Variants in SHC4 observed in about 807,000 individuals in gnomAD.
The protein encoded by SHC4 is SHC adaptor protein 4.
In SHC4, 41 loss-of-function variants were observed where a neutral mutation model predicts 69.4. The observed-to-expected ratio is 0.59, with a 90% CI of 0.46 to 0.77. The LOEUF (loss-of-function observed/expected upper bound fraction) is 0.77. SHC4 is among the 30% of genes least tolerant of loss of function. The probability of loss-of-function intolerance (pLI) is 0.00; values close to 1 mark genes in which losing one functional copy is unlikely to be tolerated. For synonymous variants in SHC4, 318 were observed against 299.3 expected, an observed-to-expected ratio of 1.06 and a Z score of -0.64; for missense variants, 777 against 783.8, an observed-to-expected ratio of 0.99 and a Z score of 0.10.
chr15:48,839,459 G>A (rs1015824474), intron 10 of SHC4, among the ~76,000 whole-genome samples: 23 of 151,798 alleles, frequency 1.5e-4, no homozygotes, highest in African/African-American at 5.3e-4. Context: ...CAACCCAGAT[G>A]GCATCATCTG....
At chr15:48,922,404 T>A (rs1900767619) in intron 2 of SHC4, among the ~76,000 whole-genome samples, 2 of 152,228 alleles carry the variant, frequency 1.3e-5, no homozygotes, top group Non-Finnish European at 2.9e-5. Context: ...GACTGGGTAA[T>A]GAATAAATAA....
intron 2 of SHC4, among the ~76,000 whole-genome samples, chr15:48,909,023 C>T (rs751078566): frequency 4.6e-5 from 7 of 152,106 alleles, no homozygotes; most frequent in Non-Finnish European, 1.0e-4. Context: ...CTTGCTTTTG[C>T]TCTGCTGGCT....
At chr15:48,960,210 T>TGG (rs1185814134) in intron 1 of SHC4, among the ~76,000 whole-genome samples, 1 of 152,144 alleles carries the variant, frequency 6.6e-6, no homozygotes, top group Non-Finnish European at 1.5e-5. Context: ...AGGCACTCCC[T>TGG]AGGGAAACTG....
At chr15:48,906,137 G>T (rs2141014022) in intron 2 of SHC4, among the ~76,000 whole-genome samples, 1 of 152,148 alleles carries the variant, frequency 6.6e-6, no homozygotes, top group South Asian at 2.1e-4. Context: ...TCCTATAAAA[G>T]GGGCCCAAAT....
chr15:48,878,181 C>T (rs757137971), intron 4 of SHC4: 13 of 1,552,598 alleles, frequency 8.4e-6, no homozygotes, highest in Admixed American at 3.8e-5. Context: ...TGCACAATGT[C>T]GGAAATGGCT....
chr15:48,957,170 G>A (rs910304189), intron 1 of SHC4, among the ~76,000 whole-genome samples: 5 of 151,744 alleles, frequency 3.3e-5, no homozygotes, highest in African/African-American at 1.2e-4. Context: ...TAGAGATGAG[G>A]TTTCACCATG....
At chr15:48,878,713 C>G in intron 4 of SHC4, 1 of 1,613,822 alleles carries the variant, frequency 6.2e-7, no homozygotes. Context: ...AAGAACTCGG[C>G]TGTGATGAGA....
intron 9 of SHC4, among the ~76,000 whole-genome samples, chr15:48,846,939 A>G (rs759181232): frequency 1.6e-4 from 25 of 152,006 alleles, no homozygotes; most frequent in Non-Finnish European, 3.7e-4. Context: ...CGGTGTTTAT[A>G]TCTAGCCTCT....
intron 5 of SHC4, among the ~76,000 whole-genome samples, chr15:48,869,231 AG>A (rs1899620019): frequency 6.6e-6 from 1 of 152,260 alleles, no homozygotes; most frequent in African/African-American, 2.4e-5. Context: ...ATAGTTATAG[AG>A]GCATTACCAA....
intron 3 of SHC4, among the ~76,000 whole-genome samples, chr15:48,885,217 A>AG (rs1491220035): frequency 2.0e-5 from 3 of 152,128 alleles, no homozygotes; most frequent in Non-Finnish European, 4.4e-5. Flanking sequence ...AGGTACCAAC[A>AG]GGGGGGCGAG....
chr15:48,900,823 C>T (rs1900307836), intron 2 of SHC4, among the ~76,000 whole-genome samples: 1 of 152,144 alleles, frequency 6.6e-6, no homozygotes, highest in Admixed American at 6.5e-5. Context: ...TGGTGCCGGA[C>T]AGGGCTTGGG....
chr15:48,942,669 A>G (rs902239126), intron 1 of SHC4, among the ~76,000 whole-genome samples: 2 of 152,194 alleles, frequency 1.3e-5, no homozygotes, highest in Admixed American at 6.5e-5. Context: ...TACATTAAGT[A>G]TTGACTTTCT....
At chr15:48,874,624 G>C (rs1899758223) in intron 4 of SHC4, among the ~76,000 whole-genome samples, 1 of 152,194 alleles carries the variant, frequency 6.6e-6, no homozygotes, top group Non-Finnish European at 1.5e-5. Flanking sequence ...ACCTGAGGTA[G>C]AGCTGAGGTG....
At chr15:48,859,306 GGTGTGTGTGTGTGT>G (rs58641880) in intron 6 of SHC4, among the ~76,000 whole-genome samples, 6 of 145,926 alleles carry the variant, frequency 4.1e-5, no homozygotes, top group South Asian at 2.2e-4. Context: ...ATTTGAAAGG[GGTGTGTGTGTGTGT>G]GTGTGTGTGT....
intron 1 of SHC4, chr15:48,938,478 A>G (rs1278091759): frequency 6.6e-6 from 1 of 152,014 alleles, no homozygotes; most frequent in African/African-American, 2.4e-5. Context: ...GTATTGTGGG[A>G]GTCATTAGTA....
intron 11 of SHC4, among the ~76,000 whole-genome samples, chr15:48,826,352 C>T (rs747969584): frequency 2.6e-5 from 4 of 151,306 alleles, no homozygotes; most frequent in Non-Finnish European, 5.9e-5. Flanking sequence ...CCTGGGTTCA[C>T]GCAATTCTAG....
At chr15:48,917,254 T>A (rs953230044) in intron 2 of SHC4, among the ~76,000 whole-genome samples, 3 of 121,196 alleles carry the variant, frequency 2.5e-5, no homozygotes, top group Admixed American at 7.5e-5. Context: ...TGTGTGTGTG[T>A]GTGTGTGTGT....
intron 2 of SHC4, among the ~76,000 whole-genome samples, chr15:48,907,290 G>C (rs1284111265): frequency 1.3e-5 from 2 of 150,670 alleles, no homozygotes; most frequent in Non-Finnish European, 3.0e-5. Context: ...AGTGGCGCTA[G>C]CTCGGCTCAC....
intron 4 of SHC4, chr15:48,880,240 G>A (rs543258283): frequency 1.2e-5 from 2 of 166,832 alleles, no homozygotes; most frequent in Non-Finnish European, 2.9e-5. Context: ...ATCTGTAAAA[G>A]ATAGGACTGT....
Sources: allele counts gnomAD v4.1 joint callset (sites outside exome capture counted in the v4.1 genomes callset), GRCh38; gene constraint gnomAD v4.1.1; transcripts MANE v1.5; gene names NCBI Gene and HGNC (gene_info 2026-07-23, HGNC 2026-07-21).